Variants in GRIN2B observed in about 807,000 individuals in gnomAD.
GRIN2B encodes glutamate ionotropic receptor NMDA type subunit 2B, also known as glutamate receptor ionotropic, NMDA 2B.
In GRIN2B, 5 loss-of-function variants were observed where a neutral mutation model predicts 114.5. The ratio of observed to expected loss-of-function variants is 0.04; its 90% CI spans 0.02 to 0.09. GRIN2B has a LOEUF of 0.09. Among genes scored for constraint, GRIN2B ranks in the 10% least tolerant of loss-of-function variants. The pLI is 1.00. For synonymous variants in GRIN2B, 787 were observed against 745.1 expected, an observed-to-expected ratio of 1.06 and a Z score of -0.92; for missense variants, 1,108 against 1,943.5, an observed-to-expected ratio of 0.57 and a Z score of 8.08.
At chr12:13,959,746 G>A (rs1003927876) in intron 2 of GRIN2B, among the ~76,000 whole-genome samples, 1 of 147,438 alleles carries the variant, frequency 6.8e-6, no homozygotes, top group African/African-American at 2.5e-5. Context: ...AGGAACAGTG[G>A]GTTTCTTTCT....
chr12:13,842,917 C>CTTGTTTTTT (rs1865402416), intron 3 of GRIN2B, among the ~76,000 whole-genome samples: 1 of 103,222 alleles, frequency 9.7e-6, no homozygotes, highest in Non-Finnish European at 2.0e-5. Flanking sequence ...ATTGGTTTTT[C>CTTGTTTTTT]TTTTTTTTTT....
intron 4 of GRIN2B, among the ~76,000 whole-genome samples, chr12:13,712,310 C>T (rs1950422016): frequency 6.6e-6 from 1 of 151,968 alleles, no homozygotes. Context: ...GGCACACCAA[C>T]ATGGCACATG....
At chr12:13,804,629 G>A (rs931095007) in intron 3 of GRIN2B, among the ~76,000 whole-genome samples, 7 of 151,936 alleles carry the variant, frequency 4.6e-5, no homozygotes, top group South Asian at 4.2e-4. Context: ...GCTTTCTCTG[G>A]TCACACTAAT....
chr12:13,832,059 G>A (rs981946252), intron 3 of GRIN2B, among the ~76,000 whole-genome samples: 2 of 152,122 alleles, frequency 1.3e-5, no homozygotes, highest in African/African-American at 4.8e-5. Flanking sequence ...TTATTTATTG[G>A]TGCTGGCCAA....
chr12:13,637,171 C>A (rs1213852479), intron 5 of GRIN2B, among the ~76,000 whole-genome samples: 1 of 152,132 alleles, frequency 6.6e-6, no homozygotes, highest in African/African-American at 2.4e-5. Context: ...ATTTTATAAT[C>A]TTGTACTCAT....
Position 13,804,209 on chromosome 12 carries a change from T to A in GRIN2B, c.412-50294A>T, listed in dbSNP as rs1864563805. On this transcript the variant is annotated intron_variant, in intron 3 of 13. Coordinates refer to ENST00000609686, the MANE Select transcript of GRIN2B (RefSeq NM_000834.5). Reference sequence around the variant, plus strand: ...ATTTTTAGATAAGAAATCTTTTAAATGCTCATTTAATCCTCTGTGGACTGT... The same window carrying A: ...ATTTTTAGATAAGAAATCTTTTAAAAGCTCATTTAATCCTCTGTGGACTGT... 3.4e-5 allele frequency among the ~76,000 whole-genome samples: 5 copies of A among 146,300 alleles called. No homozygotes were observed. In the South Asian group the frequency reaches 1.1e-3, roughly 32 times the overall value.
At chr12:13,846,683 G>A (rs541811873) in intron 3 of GRIN2B, among the ~76,000 whole-genome samples, 10 of 152,300 alleles carry the variant, frequency 6.6e-5, no homozygotes, top group Admixed American at 1.3e-4. Context: ...CGGAAGCCAC[G>A]AAGGGCCCAG....
intron 5 of GRIN2B, among the ~76,000 whole-genome samples, chr12:13,658,206 TAAA>T (rs745942688): frequency 7.5e-6 from 1 of 133,158 alleles, no homozygotes; most frequent in Non-Finnish European, 1.6e-5. Flanking sequence ...AAACTCCATC[TAAA>T]AAAAAAAAAA....
At chr12:13,975,251 T>C (rs545669304) in intron 2 of GRIN2B, among the ~76,000 whole-genome samples, 45 of 152,354 alleles carry the variant, frequency 3.0e-4, no homozygotes, top group African/African-American at 1.1e-3. Flanking sequence ...CGTCAACTGA[T>C]AGCTCATTAG....
intron 4 of GRIN2B, among the ~76,000 whole-genome samples, chr12:13,736,877 C>T (rs908780774): frequency 6.6e-6 from 1 of 151,636 alleles, no homozygotes; most frequent in Non-Finnish European, 1.5e-5. Flanking sequence ...AAAAATTAGC[C>T]GGGCGTGGTG....
chr12:13,718,963 A>C (rs1345692617), intron 4 of GRIN2B, among the ~76,000 whole-genome samples: 1 of 151,980 alleles, frequency 6.6e-6, no homozygotes, highest in Non-Finnish European at 1.5e-5. Context: ...TGACCTACCT[A>C]CTTTGCTAAG....
chr12:13,576,107 T>A (rs1433486806), intron 10 of GRIN2B, among the ~76,000 whole-genome samples: 1 of 152,200 alleles, frequency 6.6e-6, no homozygotes, highest in African/African-American at 2.4e-5. Context: ...GCCTTTTCTT[T>A]TGAAAATTCT....
intron 4 of GRIN2B, among the ~76,000 whole-genome samples, chr12:13,743,693 G>A (rs950073554): frequency 3.3e-5 from 5 of 151,904 alleles, no homozygotes; most frequent in South Asian, 2.1e-4. Flanking sequence ...GTTGAAGTCC[G>A]CAGCCAATCC....
chr12:13,706,572 C>T (rs568938429), intron 4 of GRIN2B, among the ~76,000 whole-genome samples: 5 of 152,186 alleles, frequency 3.3e-5, no homozygotes, highest in Non-Finnish European at 5.9e-5. Flanking sequence ...CAGCAGTAGT[C>T]CCCAAATTAA....
chr12:13,586,900 A>G (rs761685491), intron 10 of GRIN2B, among the ~76,000 whole-genome samples: 3 of 152,228 alleles, frequency 2.0e-5, no homozygotes, highest in East Asian at 3.8e-4. Context: ...TATGAATTAC[A>G]TAACTGTCTT....
intron 10 of GRIN2B, among the ~76,000 whole-genome samples, chr12:13,596,845 G>T (rs1399681012): frequency 1.3e-5 from 2 of 152,236 alleles, no homozygotes; most frequent in Admixed American, 1.3e-4. Flanking sequence ...TCTCTGGCTG[G>T]AGTCCCATTA....
chr12:13,636,914 G>C (rs1949670665), intron 5 of GRIN2B, among the ~76,000 whole-genome samples: 1 of 152,130 alleles, frequency 6.6e-6, no homozygotes, highest in South Asian at 2.1e-4. Flanking sequence ...AAAGCACTTA[G>C]AGCAGCATCT....
intron 4 of GRIN2B, among the ~76,000 whole-genome samples, chr12:13,708,846 T>G (rs1186374512): frequency 6.6e-6 from 1 of 152,100 alleles, no homozygotes; most frequent in Non-Finnish European, 1.5e-5. Context: ...ATTTATTGAG[T>G]GCTTCCAATA....
At chr12:13,569,158 C>A (rs1018564540) in intron 12 of GRIN2B, among the ~76,000 whole-genome samples, 1 of 152,160 alleles carries the variant, frequency 6.6e-6, no homozygotes, top group Non-Finnish European at 1.5e-5. Context: ...CAGAAAAAGA[C>A]CTCCTTGACA....
Sources: allele counts gnomAD v4.1 joint callset (sites outside exome capture counted in the v4.1 genomes callset), GRCh38; gene constraint gnomAD v4.1.1; transcripts MANE v1.5; gene names NCBI Gene and HGNC (gene_info 2026-07-23, HGNC 2026-07-21).